Variants in AHI1 observed in about 807,000 individuals in gnomAD.
The protein encoded by AHI1 is Abelson helper integration site 1.
In AHI1, 123 loss-of-function variants were observed where a neutral mutation model predicts 149.3. That is an observed-to-expected ratio of 0.82 (90% CI 0.71 to 0.96). The LOEUF (loss-of-function observed/expected upper bound fraction) is 0.96, where lower values mean the gene tolerates loss of function less well. Ranked by LOEUF, AHI1 falls within the 40% of genes least tolerant of loss-of-function variation. AHI1 has a pLI of 0.00. For synonymous variants in AHI1, 475 were observed against 459.8 expected, an observed-to-expected ratio of 1.03 and a Z score of -0.42; for missense variants, 1,439 against 1,422.7, an observed-to-expected ratio of 1.01 and a Z score of -0.18.
At chr6:135,394,621 G>T in intron 23 of AHI1, 155 bp downstream of exon 23, 1 of 1,040,134 alleles carries the variant, frequency 9.6e-7, no homozygotes, top group Non-Finnish European at 1.4e-6. Flanking sequence ...AAATAACCTT[G>T]GTGATTTTAA....
intron 23 of AHI1, among the ~76,000 whole-genome samples, chr6:135,358,993 G>C (rs1202057929): frequency 6.6e-6 from 1 of 152,118 alleles, no homozygotes; most frequent in Non-Finnish European, 1.5e-5. Flanking sequence ...AATGCTAAAG[G>C]CTGTCATATG....
intron 26 of AHI1, among the ~76,000 whole-genome samples, chr6:135,315,200 A>C (rs1427539270): frequency 6.6e-6 from 1 of 152,186 alleles, no homozygotes; most frequent in Non-Finnish European, 1.5e-5. Flanking sequence ...TAGTTCCTTG[A>C]CCAGTTCAAC....
In AHI1 at chr6:135,438,424, AC is replaced by A; in HGVS notation, c.1986del (p.Trp662CysfsTer24). The A allele has an allele frequency of 6.4e-7, 1 of 1,569,110 alleles. No individual in the cohort carries two copies. Among genetic ancestry groups the A allele is most frequent in the Non-Finnish European group, 8.7e-7 (1 of 1,154,988 alleles). ...GHLNIIYDLS[W>X]SKDDHYILTS... The stretch of plus-strand genomic sequence containing the variant: ...GTAAGGATGTAGTGATCATCTTTTG[AC>A]CAGGAAAGATCATAAATGATATTGA... On this transcript the variant is annotated frameshift_variant, in exon 15 of 29. Transcript: ENST00000265602. LOFTEE classifies it high-confidence loss of function.
intron 5 of AHI1, among the ~76,000 whole-genome samples, chr6:135,477,914 C>G (rs760221089): frequency 2.0e-5 from 3 of 152,196 alleles, no homozygotes; most frequent in Admixed American, 1.3e-4. Context: ...TCTCCTGCCT[C>G]AGCCTCCTGA....
chr6:135,335,206 AT>A (rs1432460735), intron 24 of AHI1, among the ~76,000 whole-genome samples: 2 of 152,158 alleles, frequency 1.3e-5, no homozygotes, highest in African/African-American at 2.4e-5. Flanking sequence ...CTAGCTCCAG[AT>A]TTGGTCAATT....
intron 23 of AHI1, among the ~76,000 whole-genome samples, chr6:135,383,963 G>C (rs1283754355): frequency 6.6e-6 from 1 of 152,120 alleles, no homozygotes; most frequent in Non-Finnish European, 1.5e-5. Context: ...ACTGATTACT[G>C]AGTTTCCTTT....
chr6:135,412,920 T>C (rs1177260709), intron 20 of AHI1, among the ~76,000 whole-genome samples: 1 of 152,202 alleles, frequency 6.6e-6, no homozygotes, highest in Admixed American at 6.5e-5. Context: ...ATTCATAATT[T>C]TTATCAGGTT....
intron 24 of AHI1, among the ~76,000 whole-genome samples, chr6:135,326,910 C>T (rs1025795803): frequency 2.6e-5 from 4 of 152,148 alleles, no homozygotes; most frequent in African/African-American, 9.7e-5. Flanking sequence ...TCCTTCCACT[C>T]TTCTGACTCT....
rs376035674 is a variant in AHI1 at position 135,317,982 on chromosome 6, A to G, written c.3426+537T>C. On this transcript the variant is annotated intron_variant, in intron 26 of 28. Coordinates refer to ENST00000265602, the MANE Select transcript of AHI1 (RefSeq NM_001134831.2). ...AAAGTACTGCTAACAACAGAAGAAT[A>G]CTGATTAATATCCCTGAAGGGTCTG... 7.9e-5 allele frequency among the ~76,000 whole-genome samples: 12 copies of G among 152,378 alleles called. 1 individual carries two copies. The highest frequency in any genetic ancestry group is 1.9e-4 in the East Asian group (1 of 5,188).
intron 23 of AHI1, among the ~76,000 whole-genome samples, chr6:135,368,497 A>C (rs1774523099): frequency 6.6e-6 from 1 of 152,076 alleles, no homozygotes; most frequent in African/African-American, 2.4e-5. Flanking sequence ...GTAGAGAAAG[A>C]CCATGGTGGT....
At chr6:135,403,360 A>G (rs898414272) in intron 22 of AHI1, among the ~76,000 whole-genome samples, 8 of 152,206 alleles carry the variant, frequency 5.3e-5, no homozygotes, top group Admixed American at 2.6e-4. Context: ...ATAACTGAAG[A>G]TACTAGTAAG....
At position 135,485,173 on chromosome 6, in the gene AHI1, A is replaced by T. The variant is rs148152568; in HGVS notation, c.135+5450T>A. On this transcript the variant is annotated intron_variant, in intron 5 of 28. Transcript: ENST00000265602. ...ACTGAAACCTCCACCTCCCGGGTTCAAGCAATTCTCATGCCTCAGCCACTC... is the reference window on the plus strand; with the variant it reads ...ACTGAAACCTCCACCTCCCGGGTTCTAGCAATTCTCATGCCTCAGCCACTC... Among the ~76,000 whole-genome samples, 521 of 151,944 alleles carry T rather than the reference A, an allele frequency of 3.4e-3. 5 individuals carry two copies. The highest frequency in any genetic ancestry group is 0.012 in the African/African-American group (488 of 41,362).
chr6:135,305,620 A>C (rs1784448605), intron 26 of AHI1, among the ~76,000 whole-genome samples: 1 of 152,214 alleles, frequency 6.6e-6, no homozygotes, highest in African/African-American at 2.4e-5. Flanking sequence ...TTATTGCAAC[A>C]GCCCCTTCTG....
At position 135,442,637 on chromosome 6, in the gene AHI1, G is replaced by A; in HGVS notation, c.1857C>T (p.His619=). 1 of 1,609,982 alleles carries A rather than the reference G, an allele frequency of 6.2e-7. No individual in the cohort carries two copies. Among genetic ancestry groups the A allele is most frequent in the Non-Finnish European group, 8.5e-7 (1 of 1,177,846 alleles). Residue 619 remains histidine, a synonymous_variant, in exon 14 of 29, where the codon CAC becomes CAT. Coordinates refer to ENST00000265602, the MANE Select transcript of AHI1 (RefSeq NM_001134831.2). ...ERGCFCLDFS[H]NGRILAAACA... Reference sequence around the variant, plus strand: ...AAGCTGCTGCTAATATTCTTCCATTGTGGGAGAAATCAAGACAAAAACATC... The same window carrying A: ...AAGCTGCTGCTAATATTCTTCCATTATGGGAGAAATCAAGACAAAAACATC...
rs140537485 is a variant in AHI1 at position 135,456,197 on chromosome 6, T to C, written c.1152-271A>G. ...GAGAAGTATGATTATACCTTTGCCATATAAAGCTGGGATAAACTAACTCCT... is the reference window on the plus strand; with the variant it reads ...GAGAAGTATGATTATACCTTTGCCACATAAAGCTGGGATAAACTAACTCCT... On this transcript the variant is annotated intron_variant, in intron 9 of 28. Transcript: ENST00000265602. Among the ~76,000 whole-genome samples the C allele has an allele frequency of 3.9e-5, 6 of 152,268 alleles. No individual in the cohort carries two copies. The East Asian group carries it at 1.2e-3, about 29-fold the overall frequency.
intron 26 of AHI1, among the ~76,000 whole-genome samples, chr6:135,317,346 TTCTC>T (rs1271665826): frequency 6.6e-6 from 1 of 151,570 alleles, no homozygotes. Context: ...TCTCCTGTAC[TTCTC>T]TCTATTAGAA....
chr6:135,420,592 C>T (rs918772303), intron 20 of AHI1, among the ~76,000 whole-genome samples: 6 of 152,154 alleles, frequency 3.9e-5, no homozygotes, highest in East Asian at 1.9e-4. Context: ...CTTCCTTAAA[C>T]CTCATGAATG....
rs1428597060 is a variant in AHI1, at chr6:135,463,296, T to C, written c.760A>G (p.Ile254Val). ...FSKAETSTLT[I>V]SGDTVEGEQK... ...TCACCTTCAACTGTGTCACCAGAGATGGTCAATGTACTACAAATATAATCC... is the reference window on the plus strand; with the variant it reads ...TCACCTTCAACTGTGTCACCAGAGACGGTCAATGTACTACAAATATAATCC... The change falls in exon 8 of 29, where the codon ATC becomes GTC. Residue 254 changes from isoleucine (I) to valine (V), a missense_variant. Transcript: ENST00000265602. The C allele has an allele frequency of 1.2e-6, 2 of 1,605,762 alleles. No individual in the cohort carries two copies. The highest frequency in any genetic ancestry group is 2.2e-5 in the South Asian group (2 of 89,526).
intron 24 of AHI1, among the ~76,000 whole-genome samples, chr6:135,327,906 G>C (rs1371496138): frequency 6.6e-6 from 1 of 152,156 alleles, no homozygotes; most frequent in Non-Finnish European, 1.5e-5. Flanking sequence ...ATCGCTCTAC[G>C]TATCTCTTCA....
Sources: gnomAD v4.1 joint callset for allele counts (sites outside exome capture counted in the v4.1 genomes callset) on GRCh38, gnomAD v4.1.1 for gene constraint, MANE v1.5 for transcripts, NCBI Gene and HGNC (gene_info 2026-07-23, HGNC 2026-07-21) for gene names.